TMEM41B: variants seen among roughly 807,000 people sequenced by gnomAD.
The protein encoded by TMEM41B is transmembrane protein 41B, also known as protein stasimon.
TMEM41B carries 18 observed loss-of-function variants against 31.9 expected under a neutral mutation model. That is an observed-to-expected ratio of 0.56 (90% CI 0.39 to 0.84). TMEM41B has a LOEUF of 0.84. TMEM41B is among the 40% of genes least tolerant of loss of function. TMEM41B has a pLI of 0.00. For missense variants in TMEM41B, 322 were observed against 348.0 expected (o/e 0.93, Z 0.59); for synonymous variants, 144 against 124.3 (o/e 1.16, Z -1.05).
chr11:9,303,189 T>C (rs543596503), intron 1 of TMEM41B, among the ~76,000 whole-genome samples: 1 of 152,228 alleles, frequency 6.6e-6, no homozygotes, highest in African/African-American at 2.4e-5. Flanking sequence ...CTAATTTTTT[T>C]TGTATTTTTA....
intron 3 of TMEM41B, among the ~76,000 whole-genome samples, chr11:9,291,113 C>T (rs1852948460): frequency 1.3e-5 from 2 of 151,302 alleles, no homozygotes; most frequent in Middle Eastern, 3.4e-3. Flanking sequence ...GAGACTCTGT[C>T]TCAAAAAAAA....
intron 6 of TMEM41B, among the ~76,000 whole-genome samples, chr11:9,284,131 T>C (rs1852783948): frequency 6.6e-6 from 1 of 151,562 alleles, no homozygotes; most frequent in African/African-American, 2.4e-5. Context: ...GAAAATAGTT[T>C]TACATTTATC....
intron 1 of TMEM41B, among the ~76,000 whole-genome samples, chr11:9,304,312 A>G (rs1853328893): frequency 6.6e-6 from 1 of 152,202 alleles, no homozygotes. Flanking sequence ...ACCTAATTCA[A>G]TACGTATCTT....
At chr11:9,310,004 T>G (rs1348177458) in intron 1 of TMEM41B, among the ~76,000 whole-genome samples, 1 of 151,866 alleles carries the variant, frequency 6.6e-6, no homozygotes, top group African/African-American at 2.4e-5. Flanking sequence ...TTTTCAATCT[T>G]TTTTGATTGT....
At chr11:9,287,304 C>G (rs974856599) in intron 5 of TMEM41B, among the ~76,000 whole-genome samples, 5 of 152,148 alleles carry the variant, frequency 3.3e-5, no homozygotes, top group African/African-American at 1.2e-4. Flanking sequence ...GAGTAAGACT[C>G]CGTCTCAAAA....
At chr11:9,292,489 TACA>T (rs939735422) in intron 3 of TMEM41B, among the ~76,000 whole-genome samples, 1 of 152,166 alleles carries the variant, frequency 6.6e-6, no homozygotes, top group African/African-American at 2.4e-5. Flanking sequence ...TTAAATATTT[TACA>T]ACATTATTAC....
At chr11:9,286,433 C>T (rs1590371056) in intron 6 of TMEM41B, 22 bp downstream of exon 6, 1 of 1,599,542 alleles carries the variant, frequency 6.3e-7, no homozygotes, top group East Asian at 2.2e-5. Flanking sequence ...AGCTCATACA[C>T]AGCAAGAACC....
intron 1 of TMEM41B, among the ~76,000 whole-genome samples, chr11:9,313,879 C>T (rs973471501): frequency 6.6e-6 from 1 of 152,142 alleles, no homozygotes. Context: ...AGGTGTACTG[C>T]CACCTGGAAG....
intron 6 of TMEM41B, among the ~76,000 whole-genome samples, 199 bp from the exon 7 acceptor site, chr11:9,283,792 T>TC (rs1852775703): frequency 6.6e-6 from 1 of 152,124 alleles, no homozygotes; most frequent in African/African-American, 2.4e-5. Context: ...TAATGATTTT[T>TC]TTTTTTTTTG....
At chr11:9,290,291 C>T (rs1852926266) in intron 3 of TMEM41B, among the ~76,000 whole-genome samples, 1 of 152,114 alleles carries the variant, frequency 6.6e-6, no homozygotes, top group African/African-American at 2.4e-5. Flanking sequence ...GCAGGGGAAT[C>T]GCTTGAACCC....
intron 3 of TMEM41B, among the ~76,000 whole-genome samples, chr11:9,290,092 C>T (rs1005743714): frequency 3.9e-5 from 6 of 152,036 alleles, no homozygotes; most frequent in Middle Eastern, 3.4e-3. Flanking sequence ...TAAGATTGTA[C>T]TATATGGACC....
intron 4 of TMEM41B, chr11:9,288,191 G>A (rs1285399162): frequency 1.9e-5 from 7 of 363,290 alleles, no homozygotes; most frequent in Middle Eastern, 7.7e-4. Flanking sequence ...AACACTCCTT[G>A]GACTGTCGCA....
Position 9,314,381 on chromosome 11 carries a change from C to T in TMEM41B, c.61G>A (p.Gly21Arg), listed in dbSNP as rs1853639795. 8 of 1,577,462 alleles carry T rather than the reference C, an allele frequency of 5.1e-6. No homozygotes were observed. The South Asian group carries it at 5.8e-5, about 11-fold the overall frequency. Residue 21 changes from glycine to arginine, a missense_variant, in exon 1 of 7, where the codon GGG becomes AGG. Coordinates refer to ENST00000528080, the MANE Select transcript of TMEM41B (RefSeq NM_015012.4). ...QLGAHHTTPV[G>R]DGAAGTRGLA... ...CCCCGCGTCCCCGCTGCCCCGTCCC[C>T]CACGGGGGTCGTGTGGTGAGCGCCC... is the stretch of plus-strand genomic sequence containing the variant.
At position 9,299,325 on chromosome 11, in the gene TMEM41B, T is replaced by TATACACACAC. The variant is rs1554943935; in HGVS notation, c.239+258_239+259insGTGTGTGTAT. 7.4e-4 allele frequency among the ~76,000 whole-genome samples: 91 copies of TATACACACAC among 123,150 alleles called. 1 individual carries two copies. The highest frequency in any genetic ancestry group is 2.6e-3 in the African/African-American group (87 of 32,964). The allele number at this position is 123,150 out of a possible 152,430, so 80.8% of individuals were successfully genotyped here. Reference sequence around the variant, plus strand: ...AAAAAAGAAAGTATATATACATACATACACACACACACACACACACGTGTG... The same window carrying TATACACACAC: ...AAAAAAGAAAGTATATATACATACATATACACACACACACACACACACACACACACGTGTG... On this transcript the variant is annotated intron_variant, in intron 2 of 6. Transcript: ENST00000528080.
chr11:9,293,253 C>A (rs1852999691), intron 3 of TMEM41B, among the ~76,000 whole-genome samples: 2 of 152,072 alleles, frequency 1.3e-5, no homozygotes, highest in African/African-American at 4.8e-5. Flanking sequence ...CAGGCATGTA[C>A]CAAGACATCC....
At chr11:9,299,462 A>T in intron 2 of TMEM41B, 122 bp downstream of exon 2, 2 of 669,312 alleles carry the variant, frequency 3.0e-6, no homozygotes, top group East Asian at 5.5e-5. Flanking sequence ...GACTCAACCA[A>T]TCCACCCACC....
intron 1 of TMEM41B, among the ~76,000 whole-genome samples, chr11:9,310,195 C>T (rs1394828452): frequency 6.6e-6 from 1 of 151,530 alleles, no homozygotes; most frequent in Non-Finnish European, 1.5e-5. Context: ...ACCACCATGC[C>T]CAGCTAATTT....
intron 3 of TMEM41B, among the ~76,000 whole-genome samples, chr11:9,291,330 C>G (rs960025819): frequency 6.6e-6 from 1 of 151,806 alleles, no homozygotes; most frequent in African/African-American, 2.4e-5. Context: ...TGCAGTGGGC[C>G]GAGATCGCGT....
At chr11:9,308,924 C>G (rs1853464627) in intron 1 of TMEM41B, among the ~76,000 whole-genome samples, 1 of 152,096 alleles carries the variant, frequency 6.6e-6, no homozygotes. Flanking sequence ...TAAGGTTAAG[C>G]TGACATCAAA....
Sources: gnomAD v4.1 joint callset for allele counts (sites outside exome capture counted in the v4.1 genomes callset) on GRCh38, gnomAD v4.1.1 for gene constraint, MANE v1.5 for transcripts, NCBI Gene and HGNC (gene_info 2026-07-23, HGNC 2026-07-21) for gene names.